Variants in FNTB observed in about 807,000 individuals in gnomAD.
FNTB encodes farnesyltransferase, CAAX box, subunit beta.
FNTB carries 27 observed loss-of-function variants against 59.4 expected under a neutral mutation model. The observed-to-expected ratio is 0.45, with a 90% CI of 0.34 to 0.63. The LOEUF is 0.63. Among genes scored for constraint, FNTB ranks in the 20% least tolerant of loss-of-function variants. The pLI is 0.02. For missense variants in FNTB, 449 were observed against 559.6 expected, an observed-to-expected ratio of 0.80 and a Z score of 1.99; for synonymous variants, 230 against 220.7, an observed-to-expected ratio of 1.04 and a Z score of -0.37.
chr14:65,037,442 T>TTG (rs2062225041), intron 7 of FNTB, among the ~76,000 whole-genome samples: 1 of 115,860 alleles, frequency 8.6e-6, no homozygotes, highest in Non-Finnish European at 1.8e-5. Context: ...TTTTTTTTTT[T>TTG]TTTTGAGACG....
intron 9 of FNTB, among the ~76,000 whole-genome samples, chr14:65,052,092 G>A (rs900380905): frequency 1.7e-4 from 26 of 152,002 alleles, no homozygotes; most frequent in African/African-American, 4.8e-4. Flanking sequence ...ATCGTGCCTG[G>A]CCCACCATAG....
intron 4 of FNTB, chr14:65,016,519 C>G (rs2061776057): frequency 6.6e-6 from 1 of 152,208 alleles, no homozygotes; most frequent in Non-Finnish European, 1.5e-5. Context: ...TGAGAGACTT[C>G]TGAGCCAGGT....
In FNTB at chr14:65,021,975, C is replaced by A. The variant is rs530629139; in HGVS notation, c.375-5478C>A. ...GTAGCCAACTTTCGACCTGACCATT[C>A]TTCCAGAACAGCAGCCATCCAGAGA... On this transcript the variant is annotated intron_variant, in intron 4 of 11. Coordinates refer to ENST00000246166, the MANE Select transcript of FNTB (RefSeq NM_002028.4). 2.4e-5 allele frequency: 11 copies of A among 456,040 alleles called. No individual in the cohort carries two copies. In the Admixed American group the frequency reaches 2.6e-4, roughly 11 times the overall value. 28.2% of individuals were successfully genotyped at this position (456,040 alleles called of 1,614,324 possible).
chr14:64,987,824 A>G (rs1888010865), intron 1 of FNTB, among the ~76,000 whole-genome samples: 1 of 152,230 alleles, frequency 6.6e-6, no homozygotes, highest in Non-Finnish European at 1.5e-5. Flanking sequence ...GCGAATGAGT[A>G]TATATTCATA....
rs893143850 is a variant in FNTB at position 65,009,057 on chromosome 14, G to A, written c.210-3260G>A. On this transcript the variant is annotated intron_variant, in intron 2 of 11. Transcript: ENST00000246166. This position sits in a 1 kb window ranked among gnomAD's most constrained non-coding sequence, Gnocchi z 4.2. ...CTCCATGTAATTGAATGGTTTTGGG[G>A]CTGAATTGTTCAGGTAAAAATAGGA... is the stretch of plus-strand genomic sequence containing the variant. 6.6e-6 allele frequency among the ~76,000 whole-genome samples: 1 copy of A among 152,134 alleles called. No homozygotes were observed. Among genetic ancestry groups the A allele is most frequent in the Non-Finnish European group, 1.5e-5 (1 of 68,028 alleles).
chr14:65,042,785 G>C (rs776591075), intron 8 of FNTB, among the ~76,000 whole-genome samples: 3 of 152,234 alleles, frequency 2.0e-5, no homozygotes, highest in Non-Finnish European at 4.4e-5. Flanking sequence ...CCTGCGGTAA[G>C]TAGAAATGAG....
intron 9 of FNTB, among the ~76,000 whole-genome samples, chr14:65,051,722 T>G (rs1262030674): frequency 6.6e-6 from 1 of 152,172 alleles, no homozygotes; most frequent in African/African-American, 2.4e-5. Flanking sequence ...TTTCCCCCGT[T>G]TTTCTTTTTT....
chr14:65,029,211 C>T lies in FNTB; in HGVS notation c.605+1430C>T, dbSNP rs2062036614. Among the ~76,000 whole-genome samples, 1 of 152,210 alleles carries T rather than the reference C, an allele frequency of 6.6e-6. No homozygotes were observed. Among genetic ancestry groups the T allele is most frequent in the African/African-American group, 2.4e-5 (1 of 41,462 alleles). ...TAAAGATATGAATGATAGAGAAAAG[C>T]TAGCAGATTGCATCCATTTTCCTTG... is the stretch of plus-strand genomic sequence containing the variant. On this transcript the variant is annotated intron_variant, in intron 6 of 11. Coordinates refer to ENST00000246166, the MANE Select transcript of FNTB (RefSeq NM_002028.4). The surrounding 1 kb of genome is among the most constrained non-coding windows in gnomAD (Gnocchi z 4.7).
At chr14:65,045,881 C>T (rs1051616121) in intron 9 of FNTB, among the ~76,000 whole-genome samples, 11 of 152,252 alleles carry the variant, frequency 7.2e-5, no homozygotes, top group African/African-American at 2.7e-4. Flanking sequence ...CCTTGGAACA[C>T]AGCAAGTGCA....
In FNTB at chr14:65,037,677, G is replaced by A. The variant is rs75237366; in HGVS notation, c.693-3113G>A. Reference sequence around the variant, plus strand: ...TGGGCTGACGTAATCCTCCTGCTGCGGCTTCCCCAAGTGCTGGGATTACAG... The same window carrying A: ...TGGGCTGACGTAATCCTCCTGCTGCAGCTTCCCCAAGTGCTGGGATTACAG... On this transcript the variant is annotated intron_variant, in intron 7 of 11. Transcript: ENST00000246166. Among the ~76,000 whole-genome samples, 627 of 149,154 alleles carry A rather than the reference G, an allele frequency of 4.2e-3. 9 individuals are homozygous for A. Among genetic ancestry groups the A allele is most frequent in the East Asian group, 0.04 (205 of 5,142 alleles).
chr14:65,043,856 A>G (rs1404365131), intron 8 of FNTB, among the ~76,000 whole-genome samples: 1 of 148,376 alleles, frequency 6.7e-6, no homozygotes, highest in Admixed American at 6.8e-5. Context: ...AAAAAAAAAA[A>G]AAAAGAAATG....
chr14:65,040,283 GTATA>G (rs570646451), intron 7 of FNTB, among the ~76,000 whole-genome samples: 1 of 147,014 alleles, frequency 6.8e-6, no homozygotes, highest in African/African-American at 2.5e-5. Flanking sequence ...ATATATGTGT[GTATA>G]TATATATATG....
intron 1 of FNTB, among the ~76,000 whole-genome samples, chr14:65,002,016 C>G (rs553013639): frequency 2.0e-5 from 3 of 152,352 alleles, no homozygotes; most frequent in Admixed American, 6.5e-5. Flanking sequence ...ATTCATATCA[C>G]TGCTCCCCTC....
intron 1 of FNTB, among the ~76,000 whole-genome samples, chr14:64,998,769 C>G (rs1594988614): frequency 6.6e-6 from 1 of 152,198 alleles, no homozygotes; most frequent in Admixed American, 6.5e-5. Context: ...CTAAGTGAAT[C>G]TATAGGTCTA....
rs984336797 is a variant in FNTB, at chr14:65,032,417, C to T, written c.606-193C>T. On this transcript the variant is annotated intron_variant, in intron 6 of 11. Coordinates refer to ENST00000246166, the MANE Select transcript of FNTB (RefSeq NM_002028.4). This position sits in a 1 kb window ranked among gnomAD's most constrained non-coding sequence, Gnocchi z 5.0. ...TCATGTTCTTTCACTGAAGCCATGC[C>T]GTGAGCAACTCTATCCAAATAGAAT... 6.1e-6 allele frequency: 3 copies of T among 491,940 alleles called. No homozygotes were observed. The highest frequency in any genetic ancestry group is 2.0e-5 in the African/African-American group (1 of 49,958). The allele number at this position is 491,940 out of a possible 1,614,324, so 30.5% of individuals were successfully genotyped here. A position where few individuals can be genotyped will look rare whatever the true frequency, so the allele number is the denominator to read the frequency against.
chr14:65,053,387 A>C, intron 10 of FNTB, 38 bp downstream of exon 10: 1 of 1,373,694 alleles, frequency 7.3e-7, no homozygotes, highest in Non-Finnish European at 9.5e-7. Flanking sequence ...GGGAGAGGGG[A>C]GGAGAGAGCA....
intron 4 of FNTB, among the ~76,000 whole-genome samples, chr14:65,021,616 G>T (rs1441944837): frequency 6.6e-6 from 1 of 152,104 alleles, no homozygotes; most frequent in Non-Finnish European, 1.5e-5. Context: ...GAGCCCCAGT[G>T]TCAACAGTTG....
intron 4 of FNTB, among the ~76,000 whole-genome samples, chr14:65,024,124 C>T (rs1336553614): frequency 6.6e-6 from 1 of 151,072 alleles, no homozygotes; most frequent in African/African-American, 2.4e-5. Flanking sequence ...AAAAAGAGGA[C>T]TCTCAGACCC....
chr14:65,029,715 G>C lies in FNTB; in HGVS notation c.605+1934G>C, dbSNP rs2062044051. On this transcript the variant is annotated intron_variant, in intron 6 of 11. Transcript: ENST00000246166. This position sits in a 1 kb window ranked among gnomAD's most constrained non-coding sequence, Gnocchi z 4.7. ...TTCAGTGTTGAAGTGTAGATGGCCT[G>C]GTGGGCAGGGGAGCAGTGGAGCTGG... is the stretch of plus-strand genomic sequence containing the variant. 6.7e-6 allele frequency among the ~76,000 whole-genome samples: 1 copy of C among 149,668 alleles called. No individual in the cohort carries two copies. Among genetic ancestry groups the C allele is most frequent in the Non-Finnish European group, 1.5e-5 (1 of 67,052 alleles).
Sources: gnomAD v4.1 joint callset for allele counts (sites outside exome capture counted in the v4.1 genomes callset) on GRCh38, gnomAD v4.1.1 for gene constraint, Gnocchi (gnomAD v3.1) non-coding constraint, MANE v1.5 for transcripts, NCBI Gene and HGNC (gene_info 2026-07-23, HGNC 2026-07-21) for gene names.